BEND3: variants seen among roughly 807,000 people sequenced by gnomAD.
BEND3 encodes the protein BEN domain-containing protein 3.
In BEND3, 13 loss-of-function variants were observed where a neutral mutation model predicts 60.1. The ratio of observed to expected loss-of-function variants is 0.22; its 90% CI spans 0.14 to 0.34. BEND3 has a LOEUF of 0.34. Ranked by LOEUF, BEND3 falls within the 10% of genes least tolerant of loss-of-function variation. The pLI is 1.00. For synonymous variants in BEND3, 497 were observed against 491.5 expected (o/e 1.01, Z -0.15); for missense variants, 896 against 1,138.1 (o/e 0.79, Z 3.06).
chr6:107,072,955 C>A (rs1775013800), intron 3 of BEND3, among the ~76,000 whole-genome samples: 1 of 151,680 alleles, frequency 6.6e-6, no homozygotes, highest in African/African-American at 2.4e-5. Flanking sequence ...GCCACTGCAC[C>A]CCAGCCTGGG....
Position 107,113,437 on chromosome 6 carries a change from C to CAAAAA in BEND3, c.-12+1648_-12+1652dup, listed in dbSNP as rs1158122732. 3.2e-3 allele frequency among the ~76,000 whole-genome samples: 42 copies of CAAAAA among 13,052 alleles called. 2 individuals are homozygous for CAAAAA. The highest frequency in any genetic ancestry group is 8.1e-3 in the African/African-American group (37 of 4,558). The allele number at this position is 13,052 out of a possible 152,430, so 8.6% of individuals were successfully genotyped here. A position where few individuals can be genotyped will look rare whatever the true frequency, so the allele number is the denominator to read the frequency against. ...CGGGTGACAGAGCGAGACTCCGTCT[C>CAAAAA]AAAAAAAAAAAAAAAACAAAAAAAA... On this transcript the variant is annotated intron_variant, in intron 1 of 3. Transcript: ENST00000369042.
chr6:107,113,437 C>CA (rs1158122732), intron 1 of BEND3, among the ~76,000 whole-genome samples: 1,899 of 12,702 alleles, frequency 0.15, 133 homozygotes, highest in African/African-American at 0.25. Context: ...GACTCCGTCT[C>CA]AAAAAAAAAA....
chr6:107,068,693 G>T lies in BEND3; in HGVS notation c.*11C>A, dbSNP rs782044954. 2 of 1,608,592 alleles carry T rather than the reference G, an allele frequency of 1.2e-6. No homozygotes were observed. Among genetic ancestry groups the T allele is most frequent in the African/African-American group, 1.3e-5 (1 of 74,992 alleles). On this transcript the variant is annotated 3_prime_UTR_variant, in exon 4 of 4. Transcript: ENST00000369042. This position sits in a 1 kb window ranked among gnomAD's most constrained non-coding sequence, Gnocchi z 5.8. ...CTGGTGACCCCGAATCTCTGGGCAG[G>T]TCACGGGCCTTCACTTCTCCACTTT... is the stretch of plus-strand genomic sequence containing the variant.
At chr6:107,090,432 G>C (rs187239829) in intron 3 of BEND3, among the ~76,000 whole-genome samples, 5 of 152,250 alleles carry the variant, frequency 3.3e-5, no homozygotes, top group Admixed American at 3.3e-4. Context: ...GAAAATGTCA[G>C]AAACATGAAT....
intron 3 of BEND3, among the ~76,000 whole-genome samples, chr6:107,086,889 G>A (rs1775359895): frequency 6.6e-6 from 1 of 151,686 alleles, no homozygotes; most frequent in Non-Finnish European, 1.5e-5. Flanking sequence ...GCTGGGCATG[G>A]TTGTACACGC....
intron 3 of BEND3, among the ~76,000 whole-genome samples, chr6:107,096,226 G>C (rs192936119): frequency 1.8e-4 from 27 of 152,304 alleles, no homozygotes; most frequent in Admixed American, 1.7e-3. Context: ...AAAAAGAAAT[G>C]AAGTACTGAT....
chr6:107,077,357 G>T (rs1775121745), intron 3 of BEND3, among the ~76,000 whole-genome samples: 1 of 152,096 alleles, frequency 6.6e-6, no homozygotes. Context: ...CTGATCAGCA[G>T]GGGAGTTCTG....
chr6:107,079,256 T>C (rs1338957104), intron 3 of BEND3, among the ~76,000 whole-genome samples: 1 of 151,964 alleles, frequency 6.6e-6, no homozygotes, highest in Non-Finnish European at 1.5e-5. Flanking sequence ...CCAGGGGAAA[T>C]TCATTTTCCT....
At chr6:107,111,953 G>C (rs889996605) in intron 1 of BEND3, among the ~76,000 whole-genome samples, 12 of 148,000 alleles carry the variant, frequency 8.1e-5, no homozygotes, top group Non-Finnish European at 1.5e-4. Flanking sequence ...CTGCACTCCA[G>C]CCTGGGCACC....
At chr6:107,111,349 A>G (rs1418908428) in intron 1 of BEND3, among the ~76,000 whole-genome samples, 2 of 152,110 alleles carry the variant, frequency 1.3e-5, no homozygotes, top group African/African-American at 4.8e-5. Flanking sequence ...CGTCTCTACT[A>G]AAAATACAAA....
rs1554231583 is a variant in BEND3 at position 107,069,733 on chromosome 6, G to A, written c.1458C>T (p.Asp486=). Residue 486 remains aspartate (D), a synonymous_variant, in exon 4 of 4, where the codon GAC becomes GAT. Coordinates refer to ENST00000369042, the MANE Select transcript of BEND3 (RefSeq NM_001367314.1). ...GCGGGGGGTCGCCTTCACTGCCCGCGTCCAGCCCCAGGCCCTCGAGCTCGT... is the reference window on the plus strand; with the variant it reads ...GCGGGGGGTCGCCTTCACTGCCCGCATCCAGCCCCAGGCCCTCGAGCTCGT... ...INDELEGLGL[D]AGSEGDPPRD... is the part of the protein sequence containing the mutation. 5.0e-6 allele frequency: 8 copies of A among 1,611,600 alleles called. No individual in the cohort carries two copies. Among genetic ancestry groups the A allele is most frequent in the South Asian group, 3.3e-5 (3 of 91,076 alleles).
At chr6:107,092,749 T>G (rs1225052797) in intron 3 of BEND3, among the ~76,000 whole-genome samples, 7 of 152,178 alleles carry the variant, frequency 4.6e-5, no homozygotes, top group African/African-American at 1.7e-4. Context: ...AAAAAACAAC[T>G]GGAACTAATA....
intron 1 of BEND3, among the ~76,000 whole-genome samples, chr6:107,109,159 C>G (rs988843071): frequency 1.4e-5 from 2 of 146,518 alleles, no homozygotes; most frequent in African/African-American, 5.0e-5. Flanking sequence ...TTGGTGGGGG[C>G]GGGGGGCGGT....
At chr6:107,071,133 C>T (rs782219139) in intron 3 of BEND3, among the ~76,000 whole-genome samples, 183 bp from the exon 4 acceptor site, 1 of 152,212 alleles carries the variant, frequency 6.6e-6, no homozygotes, top group Non-Finnish European at 1.5e-5. Context: ...GCATCCCCAC[C>T]ACCCCAAACC....
chr6:107,100,428 C>T (rs890316822), intron 1 of BEND3, among the ~76,000 whole-genome samples: 3 of 152,026 alleles, frequency 2.0e-5, no homozygotes, highest in African/African-American at 7.2e-5. Context: ...CCACCACTCC[C>T]GGCTAATTTT....
At chr6:107,089,051 C>T (rs1303245443) in intron 3 of BEND3, among the ~76,000 whole-genome samples, 2 of 151,496 alleles carry the variant, frequency 1.3e-5, no homozygotes, top group African/African-American at 4.9e-5. Flanking sequence ...GAGGCTGAGG[C>T]AGGAGAATCA....
chr6:107,087,807 T>G (rs1350105185), intron 3 of BEND3, among the ~76,000 whole-genome samples: 2 of 149,202 alleles, frequency 1.3e-5, no homozygotes, highest in African/African-American at 4.9e-5. Flanking sequence ...TTTTTTTTTT[T>G]TTTTTTTAGA....
chr6:107,086,441 C>T (rs1386204228), intron 3 of BEND3, among the ~76,000 whole-genome samples: 3 of 149,772 alleles, frequency 2.0e-5, no homozygotes, highest in African/African-American at 5.0e-5. Context: ...ATGGTGAAAC[C>T]CTCTCTCTAC....
In BEND3 at chr6:107,069,223, C is replaced by T; in HGVS notation, c.1968G>A (p.Gln656=). 6.2e-7 allele frequency: 1 copy of T among 1,612,150 alleles called. No homozygotes were observed. Among genetic ancestry groups the T allele is most frequent in the Non-Finnish European group, 8.5e-7 (1 of 1,179,792 alleles). The change falls in exon 4 of 4, where the codon CAG becomes CAA. Residue 656 remains glutamine, a synonymous_variant. Coordinates refer to ENST00000369042, the MANE Select transcript of BEND3 (RefSeq NM_001367314.1). ...GGCCCGGCACGTGGACCTTGCGCTG[C>T]TGCTGGTAGGAGCGCCTTTGCTCCG... is the stretch of plus-strand genomic sequence containing the variant. ...RDTEQRRSYQ[Q]QRKVHVPGPE...
Sources: allele counts gnomAD v4.1 joint callset (sites outside exome capture counted in the v4.1 genomes callset), GRCh38; gene constraint gnomAD v4.1.1; non-coding constraint Gnocchi (gnomAD v3.1); transcripts MANE v1.5; gene names NCBI Gene and HGNC (gene_info 2026-07-23, HGNC 2026-07-21).